The following RNF13 variants were observed in gnomAD, a reference collection of about 807,000 sequenced individuals.
RNF13 encodes E3 ubiquitin-protein ligase RNF13.
RNF13 carries 19 observed loss-of-function variants against 37.7 expected under a neutral mutation model. That is an observed-to-expected ratio of 0.50 (90% confidence interval 0.35 to 0.74). The LOEUF is 0.74. RNF13 is among the 30% of genes least tolerant of loss of function. The pLI, the probability that RNF13 is intolerant of heterozygous loss-of-function variation, is 0.01. For synonymous variants in RNF13, 144 were observed against 157.8 expected, an observed-to-expected ratio of 0.91 and a Z score of 0.65; for missense variants, 375 against 453.0, an observed-to-expected ratio of 0.83 and a Z score of 1.56.
intron 8 of RNF13, among the ~76,000 whole-genome samples, chr3:149,927,503 G>A (rs1718768071): frequency 1.3e-5 from 2 of 152,174 alleles, no homozygotes; most frequent in Admixed American, 1.3e-4. Context: ...TATATACCAA[G>A]GAGTGATATT....
At chr3:149,905,206 G>A (rs1264769620) in intron 6 of RNF13, among the ~76,000 whole-genome samples, 1 of 152,180 alleles carries the variant, frequency 6.6e-6, no homozygotes, top group Non-Finnish European at 1.5e-5. Flanking sequence ...CATGCCAACA[G>A]TTTATGAGGG....
intron 6 of RNF13, among the ~76,000 whole-genome samples, chr3:149,903,846 T>C (rs967534083): frequency 2.0e-5 from 3 of 152,182 alleles, no homozygotes; most frequent in African/African-American, 4.8e-5. Context: ...AACATTATTT[T>C]TTAAAGCTTT....
chr3:149,917,078 A>T (rs1178270652), intron 7 of RNF13, among the ~76,000 whole-genome samples: 2 of 152,168 alleles, frequency 1.3e-5, no homozygotes, highest in East Asian at 3.9e-4. Flanking sequence ...TCTAGTTACT[A>T]TGACTCTTAG....
At chr3:149,848,732 TTTTTTTGTTTTTTG>T (rs995735943) in intron 2 of RNF13, among the ~76,000 whole-genome samples, 1 of 146,866 alleles carries the variant, frequency 6.8e-6, no homozygotes, top group Non-Finnish European at 1.5e-5. Flanking sequence ...TGTTTTGTGT[TTTTTTTGTTTTTTG>T]TTTTTTGTTT....
rs200300521 is a variant in RNF13, at chr3:149,946,822, C to G, written c.701-13234C>G. On this transcript the variant is annotated intron_variant, in intron 8 of 9. Transcript: ENST00000392894. ...TTGTTTCATTTGTCTCTGCTGTAAG[C>G]TAGTTGTGGATTTAGCTTATTTTTC... Among the ~76,000 whole-genome samples the G allele has an allele frequency of 2.5e-3, 375 of 152,208 alleles. 5 individuals are homozygous for G. The highest frequency in any genetic ancestry group is 4.2e-3 in the East Asian group (22 of 5,190).
At chr3:149,959,618 T>G (rs1722188284) in intron 8 of RNF13, among the ~76,000 whole-genome samples, 1 of 152,228 alleles carries the variant, frequency 6.6e-6, no homozygotes, top group South Asian at 2.1e-4. Flanking sequence ...TGCTAGAGAT[T>G]TGAAGTCCAG....
intron 8 of RNF13, among the ~76,000 whole-genome samples, chr3:149,951,965 A>G (rs1295803588): frequency 6.6e-6 from 1 of 152,030 alleles, no homozygotes; most frequent in Non-Finnish European, 1.5e-5. Context: ...AGTCACTACC[A>G]TTTCATGGCT....
intron 8 of RNF13, among the ~76,000 whole-genome samples, chr3:149,950,799 G>A (rs2108601070): frequency 6.6e-6 from 1 of 152,226 alleles, no homozygotes; most frequent in Non-Finnish European, 1.5e-5. Context: ...AAGTGAGCCT[G>A]TGGCCCAAGG....
chr3:149,847,643 T>C (rs1722770642), intron 2 of RNF13, among the ~76,000 whole-genome samples: 1 of 152,118 alleles, frequency 6.6e-6, no homozygotes, highest in African/African-American at 2.4e-5. Flanking sequence ...GGAATGGAAA[T>C]AGAGCCTTTA....
Position 149,961,595 on chromosome 3 carries a change from A to C in RNF13, c.*491A>C, listed in dbSNP as rs1722435514. On this transcript the variant is annotated 3_prime_UTR_variant, in exon 10 of 10. Coordinates refer to ENST00000392894, the MANE Select transcript of RNF13 (RefSeq NM_183381.3). ...TAATTCAGCCTTTCCTCCTATCAGC[A>C]CAAAGAAACTCAAAGCTGTTTTTTC... 6.9e-6 allele frequency: 2 copies of C among 290,206 alleles called. No homozygotes were observed. Among genetic ancestry groups the C allele is most frequent in the Admixed American group, 9.7e-5 (2 of 20,552 alleles). 18.0% of individuals were successfully genotyped at this position (290,206 alleles called of 1,614,324 possible).
chr3:149,881,487 G>C (rs998036082), intron 4 of RNF13, among the ~76,000 whole-genome samples: 73 of 151,912 alleles, frequency 4.8e-4, no homozygotes, highest in African/African-American at 1.8e-3. Context: ...CCCACCACCA[G>C]GCCTGGCTAA....
rs555924512 is a variant in RNF13 at position 149,898,798 on chromosome 3, T to C, written c.409+3238T>C. Among the ~76,000 whole-genome samples the C allele has an allele frequency of 2.5e-3, 384 of 152,250 alleles. 4 individuals carry two copies. The highest frequency in any genetic ancestry group is 3.4e-3 in the Admixed American group (52 of 15,280). Reference sequence around the variant, plus strand: ...TATAATGTCAAGTAGTGATAAATGCTATGAAGAAAAATATCAGCATAAGGG... The same window carrying C: ...TATAATGTCAAGTAGTGATAAATGCCATGAAGAAAAATATCAGCATAAGGG... On this transcript the variant is annotated intron_variant, in intron 5 of 9. Transcript: ENST00000392894.
At chr3:149,876,640 TCATGTCCTCCATCTGG>T (rs971617961) in intron 4 of RNF13, among the ~76,000 whole-genome samples, 1 of 152,042 alleles carries the variant, frequency 6.6e-6, no homozygotes, top group African/African-American at 2.4e-5. Flanking sequence ...TTAGTTTCTG[TCATGTCCTCCATCTGG>T]CATGTCCTCC....
At chr3:149,901,921 A>T in intron 5 of RNF13, 151 bp from the exon 6 acceptor site, 1 of 428,784 alleles carries the variant, frequency 2.3e-6, no homozygotes. Context: ...CATTTTGATG[A>T]TGAATAAAAT....
intron 8 of RNF13, among the ~76,000 whole-genome samples, chr3:149,952,734 G>A (rs1721467941): frequency 6.6e-6 from 1 of 152,046 alleles, no homozygotes. Context: ...TGAGTAGCTG[G>A]GATTACAGGC....
chr3:149,896,010 C>G (rs1010513084), intron 5 of RNF13, among the ~76,000 whole-genome samples: 3 of 152,126 alleles, frequency 2.0e-5, no homozygotes, highest in Non-Finnish European at 4.4e-5. Context: ...TTGGTATGTT[C>G]ATAGTTTTTC....
At chr3:149,856,741 C>A (rs1723691294) in intron 3 of RNF13, among the ~76,000 whole-genome samples, 1 of 151,718 alleles carries the variant, frequency 6.6e-6, no homozygotes, top group South Asian at 2.1e-4. Flanking sequence ...CTGCACCTGG[C>A]CAAAATATCT....
intron 8 of RNF13, among the ~76,000 whole-genome samples, chr3:149,929,621 A>G (rs1348864662): frequency 6.6e-6 from 1 of 152,186 alleles, no homozygotes; most frequent in Non-Finnish European, 1.5e-5. Context: ...TTCTGATTTT[A>G]AGGCAAAAAT....
At chr3:149,828,078 T>C (rs1002815433) in intron 1 of RNF13, among the ~76,000 whole-genome samples, 1 of 152,182 alleles carries the variant, frequency 6.6e-6, no homozygotes, top group Non-Finnish European at 1.5e-5. Context: ...GTGCGAGTCA[T>C]TGGACTTCTC....
Sources: allele counts gnomAD v4.1 joint callset (sites outside exome capture counted in the v4.1 genomes callset), GRCh38; gene constraint gnomAD v4.1.1; transcripts MANE v1.5; gene names NCBI Gene and HGNC (gene_info 2026-07-23, HGNC 2026-07-21).